CDA: variants seen among roughly 807,000 people sequenced by gnomAD.
The protein encoded by CDA is cytidine deaminase.
In CDA, 7 loss-of-function variants were observed where a neutral mutation model predicts 15.0. The observed-to-expected ratio is 0.47, with a 90% CI of 0.26 to 0.87. CDA has a LOEUF of 0.87. Ranked by LOEUF, CDA falls within the 40% of genes least tolerant of loss-of-function variation. CDA has a pLI of 0.15. For synonymous variants in CDA, 58 were observed against 73.0 expected (o/e 0.79, Z 1.05); for missense variants, 159 against 182.7 (o/e 0.87, Z 0.75).
intron 2 of CDA, among the ~76,000 whole-genome samples, chr1:20,609,818 G>A (rs762237729): frequency 1.3e-5 from 2 of 152,172 alleles, no homozygotes; most frequent in Non-Finnish European, 2.9e-5. Context: ...AATTCCAAGA[G>A]TTCACTCGGC....
At chr1:20,610,283 TATTTTTA>T (rs2052736230) in intron 2 of CDA, among the ~76,000 whole-genome samples, 1 of 146,874 alleles carries the variant, frequency 6.8e-6, no homozygotes, top group African/African-American at 2.4e-5. Context: ...TATTTTATTT[TATTTTTA>T]TTTTTATTTA....
intron 1 of CDA, among the ~76,000 whole-genome samples, chr1:20,602,822 C>T (rs752403433): frequency 2.6e-5 from 4 of 152,222 alleles, no homozygotes; most frequent in Admixed American, 2.0e-4. Context: ...TATTTCCATA[C>T]AGAAATGCCA....
intron 1 of CDA, among the ~76,000 whole-genome samples, chr1:20,590,069 C>T (rs905965255): frequency 6.6e-6 from 1 of 152,222 alleles, no homozygotes; most frequent in African/African-American, 2.4e-5. Flanking sequence ...GAGGCATTCT[C>T]CTTCAGGGCA....
rs549266010 is a variant in CDA at position 20,613,861 on chromosome 1, A to G, written c.286A>G (p.Ile96Val). 138 of 1,614,042 alleles carry G rather than the reference A, an allele frequency of 8.5e-5. 2 individuals carry two copies. In the South Asian group the frequency reaches 1.4e-3, roughly 17 times the overall value. ...CCCCAGTGACATGCAAGATGATTTT[A>G]TCTCTCCATGTGGGGCCTGCAGGCA... is the stretch of plus-strand genomic sequence containing the variant. ...AIASDMQDDF[I>V]SPCGACRQVM... Residue 96 changes from isoleucine (I) to valine (V), a missense_variant, in exon 3 of 4, where the codon ATC (isoleucine) becomes GTC (valine). Ile to Val is a conservative substitution (Grantham distance 29, BLOSUM62 3). Transcript: ENST00000375071.
intron 1 of CDA, 83 bp downstream of exon 1, chr1:20,589,366 G>A: frequency 2.2e-6 from 3 of 1,357,554 alleles, no homozygotes; most frequent in Non-Finnish European, 3.1e-6. Context: ...AGGCGCAGAG[G>A]CACAGGCAGT....
chr1:20,609,938 A>G (rs2052731470), intron 2 of CDA, among the ~76,000 whole-genome samples: 7 of 152,246 alleles, frequency 4.6e-5, no homozygotes, highest in Middle Eastern at 3.4e-3. Context: ...CCTTTCATTG[A>G]CTGGACCCCC....
chr1:20,617,697 A>ATT (rs147364706), intron 3 of CDA, among the ~76,000 whole-genome samples: 3 of 144,016 alleles, frequency 2.1e-5, no homozygotes, highest in East Asian at 2.1e-4. Context: ...ATTTTATTTT[A>ATT]TTTTTTTTTT....
chr1:20,605,076 A>T (rs766030817), intron 2 of CDA, 37 bp downstream of exon 2: 2 of 1,193,630 alleles, frequency 1.7e-6, no homozygotes, highest in Non-Finnish European at 2.5e-6. Flanking sequence ...ATATTCATTC[A>T]TCTCTTTAGC....
intron 2 of CDA, among the ~76,000 whole-genome samples, chr1:20,606,135 T>A (rs2052693236): frequency 8.1e-6 from 1 of 124,028 alleles, no homozygotes; most frequent in African/African-American, 2.8e-5. Flanking sequence ...CAGTATCCGA[T>A]AGCCTTCCCT....
At chr1:20,607,912 G>T (rs2052709023) in intron 2 of CDA, among the ~76,000 whole-genome samples, 1 of 152,178 alleles carries the variant, frequency 6.6e-6, no homozygotes, top group South Asian at 2.1e-4. Context: ...ACTCAGGAAA[G>T]GTCCGTGTGT....
intron 1 of CDA, among the ~76,000 whole-genome samples, chr1:20,602,725 A>G (rs1302030803): frequency 6.6e-6 from 1 of 152,070 alleles, no homozygotes; most frequent in Non-Finnish European, 1.5e-5. Flanking sequence ...CAGCCTCATC[A>G]TGTGTTTTTA....
At chr1:20,598,333 A>C (rs555820136) in intron 1 of CDA, among the ~76,000 whole-genome samples, 1 of 152,298 alleles carries the variant, frequency 6.6e-6, no homozygotes, top group Admixed American at 6.5e-5. Context: ...CAGAGGATGC[A>C]ATGTTCAAGG....
chr1:20,616,692 G>A (rs1483277983), intron 3 of CDA, among the ~76,000 whole-genome samples: 1 of 152,150 alleles, frequency 6.6e-6, no homozygotes, highest in African/African-American at 2.4e-5. Context: ...GCTGAAGGAG[G>A]CAGGGGGGAA....
At chr1:20,590,668 G>A (rs1193428501) in intron 1 of CDA, among the ~76,000 whole-genome samples, 1 of 152,138 alleles carries the variant, frequency 6.6e-6, no homozygotes, top group Non-Finnish European at 1.5e-5. Context: ...CTCTCCCTTG[G>A]GACTTTGTGC....
At chr1:20,600,681 G>A (rs1227852447) in intron 1 of CDA, among the ~76,000 whole-genome samples, 1 of 151,160 alleles carries the variant, frequency 6.6e-6, no homozygotes, top group Non-Finnish European at 1.5e-5. Flanking sequence ...TTGAACCCAG[G>A]AGGTGGAGAT....
intron 2 of CDA, among the ~76,000 whole-genome samples, chr1:20,608,644 A>C (rs1434055337): frequency 6.6e-6 from 1 of 152,214 alleles, no homozygotes; most frequent in African/African-American, 2.4e-5. Flanking sequence ...TTCTGGCCTC[A>C]AGTGATCTGC....
intron 1 of CDA, among the ~76,000 whole-genome samples, chr1:20,602,559 G>T (rs2052654614): frequency 6.6e-6 from 1 of 152,158 alleles, no homozygotes; most frequent in Non-Finnish European, 1.5e-5. Flanking sequence ...GAGTAGCTGG[G>T]ACTACAGGTG....
At chr1:20,598,662 G>A (rs1445632971) in intron 1 of CDA, among the ~76,000 whole-genome samples, 1 of 152,206 alleles carries the variant, frequency 6.6e-6, no homozygotes, top group Admixed American at 6.5e-5. Context: ...GATGGAGAGA[G>A]AGAGTTTAAG....
At chr1:20,589,705 G>A (rs1255352281) in intron 1 of CDA, among the ~76,000 whole-genome samples, 2 of 152,158 alleles carry the variant, frequency 1.3e-5, no homozygotes, top group Admixed American at 6.6e-5. Flanking sequence ...ATGAAACTAC[G>A]GAGGTCTCGA....
Sources: gnomAD v4.1 joint callset for allele counts (sites outside exome capture counted in the v4.1 genomes callset) on GRCh38, gnomAD v4.1.1 for gene constraint, MANE v1.5 for transcripts, NCBI Gene and HGNC (gene_info 2026-07-23, HGNC 2026-07-21) for gene names.